GIT1: variants seen among roughly 807,000 people sequenced by gnomAD.
GIT1 encodes ARF GTPase-activating protein GIT1.
Under a neutral mutation model 91.7 loss-of-function variants are expected in GIT1, and 14 were observed. The ratio of observed to expected loss-of-function variants is 0.15; its 90% CI spans 0.10 to 0.24. GIT1 has a LOEUF of 0.24. GIT1 is among the 10% of genes least tolerant of loss of function. The pLI, the probability that GIT1 is intolerant of heterozygous loss-of-function variation, is 1.00. For missense variants in GIT1, 717 were observed against 1,024.9 expected (o/e 0.70, Z 4.10); for synonymous variants, 414 against 418.2 (o/e 0.99, Z 0.12).
In GIT1 at chr17:29,581,692, C is replaced by CA. The variant is rs2033400353; in HGVS notation, c.718+49dup. Reference sequence around the variant, plus strand: ...CGGGTGCGTCCAGGTCCCACCTGCCCAGCCCCAGCCAGGCCTGTCACAGCC... The same window carrying CA: ...CGGGTGCGTCCAGGTCCCACCTGCCCAAGCCCCAGCCAGGCCTGTCACAGCC... On this transcript the variant is annotated intron_variant, in intron 6 of 19. Transcript: ENST00000225394. This position sits in a 1 kb window ranked among gnomAD's most constrained non-coding sequence, Gnocchi z 4.8. 1 of 1,469,418 alleles carries CA rather than the reference C, an allele frequency of 6.8e-7. No homozygotes were observed. The highest frequency in any genetic ancestry group is 1.4e-5 in the African/African-American group (1 of 72,204). The allele number at this position is 1,469,418 out of a possible 1,614,324, so 91.0% of individuals were successfully genotyped here. A position where few individuals can be genotyped will look rare whatever the true frequency, so the allele number is the denominator to read the frequency against.
chr17:29,583,133 A>G, intron 2 of GIT1, 96 bp from the exon 3 acceptor site: 2 of 821,678 alleles, frequency 2.4e-6, no homozygotes, highest in East Asian at 2.6e-5. Context: ...GCGTAGCTGG[A>G]AACGGTACCA....
chr17:29,575,681 C>G lies in GIT1; in HGVS notation c.1775G>C (p.Ser592Thr). 6.2e-7 allele frequency: 1 copy of G among 1,612,926 alleles called. No individual in the cohort carries two copies. The highest frequency in any genetic ancestry group is 8.5e-7 in the Non-Finnish European group (1 of 1,179,982). ...RHTSKLSRHG[S>T]GADSDYENTQ... ...GTTCTCATAGTCACTGTCGGCTCCACTGCCGTGGCGGGAAAGCTTGCTCTG... is the reference window on the plus strand; with the variant it reads ...GTTCTCATAGTCACTGTCGGCTCCAGTGCCGTGGCGGGAAAGCTTGCTCTG... Residue 592 changes from serine (S) to threonine (T), a missense_variant, in exon 17 of 20, where the codon AGT becomes ACT. Physicochemically the swap from Ser to Thr is moderately conservative, Grantham distance 58. This residue lies in a region of GIT1 where 134 missense variants were observed against 223.8 expected (regional missense o/e 0.60). Transcript: ENST00000225394. This position sits in a 1 kb window ranked among gnomAD's most constrained non-coding sequence, Gnocchi z 5.5.
rs2033097919 is a variant in GIT1 at position 29,574,192 on chromosome 17, GTGC to G, written c.*507_*509del. The G allele has an allele frequency of 6.5e-6, 1 of 153,896 alleles. No individual in the cohort carries two copies. Among genetic ancestry groups the G allele is most frequent in the Admixed American group, 6.5e-5 (1 of 15,392 alleles). 9.5% of individuals were successfully genotyped at this position (153,896 alleles called of 1,614,324 possible). ...GACCCCAGCACACAGGTTGGGGCCT[GTGC>G]CCTAGGCAGGGGCCATATGGCATTA... On this transcript the variant is annotated 3_prime_UTR_variant, in exon 20 of 20. Coordinates refer to ENST00000225394, the MANE Select transcript of GIT1 (RefSeq NM_014030.4).
intron 7 of GIT1, among the ~76,000 whole-genome samples, chr17:29,580,643 T>G (rs2033364947): frequency 6.6e-6 from 1 of 152,136 alleles, no homozygotes; most frequent in Non-Finnish European, 1.5e-5. Flanking sequence ...GTCACAAAGT[T>G]AGTCACATCC....
In GIT1 at chr17:29,589,275, GCCCGGCGGCGGCCTGGCTGTGCGGT is replaced by G; in HGVS notation, c.52+27_52+51del. The stretch of plus-strand genomic sequence containing the variant: ...GCGCTCTTGCCAGGCCCCGGCGCCC[GCCCGGCGGCGGCCTGGCTGTGCGGT>G]CCCGCCCCCGGCCCCGCCGCGCTTA... On this transcript the variant is annotated intron_variant, in intron 1 of 19. Coordinates refer to ENST00000225394, the MANE Select transcript of GIT1 (RefSeq NM_014030.4). This position sits in a 1 kb window ranked among gnomAD's most constrained non-coding sequence, Gnocchi z 5.2. 8 of 752,520 alleles carry G rather than the reference GCCCGGCGGCGGCCTGGCTGTGCGGT, an allele frequency of 1.1e-5. No individual in the cohort carries two copies. Among genetic ancestry groups the G allele is most frequent in the Non-Finnish European group, 9.7e-6 (6 of 617,614 alleles). The allele number at this position is 752,520 out of a possible 1,614,324, so 46.6% of individuals were successfully genotyped here.
At position 29,575,819 on chromosome 17, in the gene GIT1, C is replaced by T. The variant is rs750445419; in HGVS notation, c.1745G>A (p.Arg582His). 5.6e-6 allele frequency: 9 copies of T among 1,612,468 alleles called. No homozygotes were observed. Among genetic ancestry groups the T allele is most frequent in the South Asian group, 5.5e-5 (5 of 90,944 alleles). Residue 582 changes from arginine to histidine, a missense_variant, in exon 16 of 20, where the codon CGC becomes CAC. Transcript: ENST00000225394. The surrounding 1 kb of genome is among the most constrained non-coding windows in gnomAD (Gnocchi z 5.5). ...PLLSCSQEGS[R>H]HTSKLSRHGS... ...TGGGCATGGAAACATTACCGTGTGG[C>T]GGCTTCCCTCCTGGGAGCAGGACAG...
At chr17:29,584,476 C>T (rs890319200) in intron 1 of GIT1, among the ~76,000 whole-genome samples, 24 of 152,198 alleles carry the variant, frequency 1.6e-4, no homozygotes, top group African/African-American at 5.8e-4. Flanking sequence ...GGTGGGAGTT[C>T]CGGGGTTCTT....
In GIT1 at chr17:29,575,671, G is replaced by A. The variant is rs2033166214; in HGVS notation, c.1785C>T (p.Asp595=). The part of the protein sequence containing the change: ...SKLSRHGSGA[D]SDYENTQSGD... ...CACTTTGCGTGTTCTCATAGTCACT[G>A]TCGGCTCCACTGCCGTGGCGGGAAA... The change falls in exon 17 of 20, where the codon GAC becomes GAT. Residue 595 remains aspartate, a synonymous_variant. Transcript: ENST00000225394. The surrounding 1 kb of genome is among the most constrained non-coding windows in gnomAD (Gnocchi z 5.5). 1 of 1,612,802 alleles carries A rather than the reference G, an allele frequency of 6.2e-7. No homozygotes were observed.
rs770211048 is a variant in GIT1, at chr17:29,575,967, C to G, written c.1666-69G>C. On this transcript the variant is annotated intron_variant, in intron 15 of 19. Coordinates refer to ENST00000225394, the MANE Select transcript of GIT1 (RefSeq NM_014030.4). The surrounding 1 kb of genome is among the most constrained non-coding windows in gnomAD (Gnocchi z 5.5). ...GCCCCCCTGCTCACCAGCAGTGCAG[C>G]AGGGACCAGGTCAGTCTAATCATCT... is the stretch of plus-strand genomic sequence containing the variant. The G allele has an allele frequency of 2.0e-5, 31 of 1,533,288 alleles. No individual in the cohort carries two copies. Among genetic ancestry groups the G allele is most frequent in the Non-Finnish European group, 2.7e-5 (30 of 1,110,228 alleles). 95.0% of individuals were successfully genotyped at this position (1,533,288 alleles called of 1,614,324 possible).
intron 14 of GIT1, 28 bp downstream of exon 14, chr17:29,576,192 C>G: frequency 6.2e-7 from 1 of 1,608,938 alleles, no homozygotes; most frequent in Non-Finnish European, 8.5e-7. Context: ...CCCATCTCCC[C>G]ACACCTTGAG....
chr17:29,587,949 G>A (rs2033649003), intron 1 of GIT1, among the ~76,000 whole-genome samples: 1 of 152,170 alleles, frequency 6.6e-6, no homozygotes, highest in Non-Finnish European at 1.5e-5. Context: ...GGGGAACGGA[G>A]TCACAGTTTC....
At chr17:29,579,371 T>G in intron 7 of GIT1, 1 of 284,774 alleles carries the variant, frequency 3.5e-6, no homozygotes. Context: ...ATTTTTTGGA[T>G]ACACCTGGCT....
At chr17:29,583,452 G>T (rs763227332) in intron 2 of GIT1, 31 bp downstream of exon 2, 2 of 1,605,894 alleles carry the variant, frequency 1.2e-6, no homozygotes, top group African/African-American at 2.7e-5. Flanking sequence ...TGCCTGAGGG[G>T]AAGGAAGAAC....
rs1372887268 is a variant in GIT1 at position 29,576,575 on chromosome 17, G to A, written c.1327C>T (p.Leu443Phe). 3 of 1,613,924 alleles carry A rather than the reference G, an allele frequency of 1.9e-6. No homozygotes were observed. Among genetic ancestry groups the A allele is most frequent in the African/African-American group, 2.7e-5 (2 of 74,922 alleles). Residue 443 changes from leucine to phenylalanine, a missense_variant, in exon 13 of 20, where the codon CTC (leucine) becomes TTC (phenylalanine). By Grantham distance (22) the Leu-to-Phe change is conservative. Coordinates refer to ENST00000225394, the MANE Select transcript of GIT1 (RefSeq NM_014030.4). ...LATSEAKVQQ[L>F]MKVNSSLSDE... is the part of the protein sequence containing the mutation. ...CTCAGGCTACTGTTGACCTTCATGA[G>A]CTGCTGCACCTTTGCCTCCGATGTA...
At chr17:29,582,184 G>GA (rs778572099) in intron 4 of GIT1, 40 bp from the exon 5 acceptor site, 5 of 1,419,270 alleles carry the variant, frequency 3.5e-6, no homozygotes, top group Admixed American at 2.0e-5. Flanking sequence ...GCATGTGCGT[G>GA]AGGCGCACCT....
Position 29,581,667 on chromosome 17 carries a change from C to G in GIT1, c.718+75G>C. 8.8e-7 allele frequency: 1 copy of G among 1,136,276 alleles called. No individual in the cohort carries two copies. Among genetic ancestry groups the G allele is most frequent in the Non-Finnish European group, 1.3e-6 (1 of 763,966 alleles). The allele number at this position is 1,136,276 out of a possible 1,614,324, so 70.4% of individuals were successfully genotyped here. A position where few individuals can be genotyped will look rare whatever the true frequency, so the allele number is the denominator to read the frequency against. The stretch of plus-strand genomic sequence containing the variant: ...GCTCTGTCACCATGGCACCTGCTGC[C>G]GGGTGCGTCCAGGTCCCACCTGCCC... On this transcript the variant is annotated intron_variant, in intron 6 of 19. Coordinates refer to ENST00000225394, the MANE Select transcript of GIT1 (RefSeq NM_014030.4). This position sits in a 1 kb window ranked among gnomAD's most constrained non-coding sequence, Gnocchi z 4.8.
intron 1 of GIT1, among the ~76,000 whole-genome samples, chr17:29,587,482 C>T (rs2033627915): frequency 6.6e-6 from 1 of 152,180 alleles, no homozygotes; most frequent in Admixed American, 6.5e-5. Context: ...ATTCCTCTGA[C>T]AGATGAGGAC....
chr17:29,576,013 G>C, intron 15 of GIT1, 65 bp downstream of exon 15: 1 of 1,575,816 alleles, frequency 6.3e-7, no homozygotes, highest in Non-Finnish European at 8.7e-7. Flanking sequence ...ATTCAGCACA[G>C]AGCCCAGAAC....
chr17:29,576,821 G>A (rs749603738), intron 12 of GIT1, 42 bp downstream of exon 12: 21 of 1,577,294 alleles, frequency 1.3e-5, no homozygotes, highest in Non-Finnish European at 1.8e-5. Context: ...CGAAGGCCTG[G>A]GTCAGGGCAC....
Sources: gnomAD v4.1 joint callset for allele counts (sites outside exome capture counted in the v4.1 genomes callset) on GRCh38, gnomAD v4.1.1 for gene constraint, gnomAD v4.1.1 regional missense constraint, Gnocchi (gnomAD v3.1) non-coding constraint, MANE v1.5 for transcripts, NCBI Gene and HGNC (gene_info 2026-07-23, HGNC 2026-07-21) for gene names.